NAALADL2: variants seen among roughly 807,000 people sequenced by gnomAD.
NAALADL2 encodes N-acetylated alpha-linked acidic dipeptidase like 2, also known as inactive N-acetylated-alpha-linked acidic dipeptidase-like protein 2.
A neutral mutation model predicts 87.2 loss-of-function variants in NAALADL2; 76 were observed. That is an observed-to-expected ratio of 0.87 (90% CI 0.72 to 1.05). The LOEUF (loss-of-function observed/expected upper bound fraction) is 1.05, where lower values mean the gene tolerates loss of function less well. Ranked by LOEUF, NAALADL2 falls within the 50% of genes least tolerant of loss-of-function variation. The probability of loss-of-function intolerance (pLI) is 0.00; values close to 1 mark genes in which losing one functional copy is unlikely to be tolerated. For synonymous variants in NAALADL2, 354 were observed against 331.0 expected (o/e 1.07, Z -0.75); for missense variants, 1,089 against 945.8 (o/e 1.15, Z -1.99).
intron 3 of NAALADL2, among the ~76,000 whole-genome samples, chr3:174,810,758 T>C (rs986239681): frequency 6.6e-6 from 1 of 152,094 alleles, no homozygotes; most frequent in South Asian, 2.1e-4. Context: ...GAAATTTCTA[T>C]TACTAAAAGG....
chr3:174,879,097 A>T (rs961369489), intron 1 of NAALADL2, among the ~76,000 whole-genome samples: 4 of 152,134 alleles, frequency 2.6e-5, no homozygotes, highest in African/African-American at 9.7e-5. Context: ...TACAAGCTTA[A>T]CTAGCCTTCC....
chr3:174,521,571 C>CAAAAAAAAAAAAA (rs58465181), intron 1 of NAALADL2, among the ~76,000 whole-genome samples: 1 of 56,192 alleles, frequency 1.8e-5, no homozygotes, highest in African/African-American at 7.2e-5. Context: ...GACCCTGTCT[C>CAAAAAAAAAAAAA]AAAAAAAAAA....
intron 2 of NAALADL2, among the ~76,000 whole-genome samples, chr3:174,644,489 G>A (rs2108740279): frequency 6.6e-6 from 1 of 152,130 alleles, no homozygotes; most frequent in African/African-American, 2.4e-5. Context: ...TCTCCAGGGT[G>A]GCAGAGGTGG....
chr3:174,516,680 T>C (rs1719953620), intron 1 of NAALADL2, among the ~76,000 whole-genome samples: 1 of 152,092 alleles, frequency 6.6e-6, no homozygotes, highest in Non-Finnish European at 1.5e-5. Flanking sequence ...TCTTGTCTAA[T>C]ACAAGTTTTT....
At chr3:175,193,538 G>A (rs921940925) in intron 2 of NAALADL2, among the ~76,000 whole-genome samples, 1 of 151,750 alleles carries the variant, frequency 6.6e-6, no homozygotes. Context: ...ATAGAGGTGA[G>A]ATAAGAAATA....
chr3:174,935,022 A>G (rs1737479893), intron 1 of NAALADL2, among the ~76,000 whole-genome samples: 1 of 151,778 alleles, frequency 6.6e-6, no homozygotes, highest in Non-Finnish European at 1.5e-5. Context: ...CTAGCATAAG[A>G]TTAAGGTCTC....
At chr3:174,920,033 C>G (rs1180215348) in intron 1 of NAALADL2, among the ~76,000 whole-genome samples, 1 of 152,154 alleles carries the variant, frequency 6.6e-6, no homozygotes, top group Non-Finnish European at 1.5e-5. Flanking sequence ...GTAGACCATG[C>G]TATAAACATG....
chr3:175,195,945 G>A (rs1249771355), intron 2 of NAALADL2, among the ~76,000 whole-genome samples: 1 of 151,866 alleles, frequency 6.6e-6, no homozygotes, highest in Non-Finnish European at 1.5e-5. Flanking sequence ...CACTGATCTA[G>A]AGACTGAATA....
chr3:175,171,670 A>T (rs2108914451), intron 2 of NAALADL2, among the ~76,000 whole-genome samples: 1 of 152,252 alleles, frequency 6.6e-6, no homozygotes, highest in African/African-American at 2.4e-5. Flanking sequence ...TATATAATCT[A>T]TTATAACAGA....
At chr3:174,573,769 T>C (rs1379802383) in intron 2 of NAALADL2, among the ~76,000 whole-genome samples, 3 of 152,156 alleles carry the variant, frequency 2.0e-5, no homozygotes, top group Non-Finnish European at 2.9e-5. Flanking sequence ...CTCATGAGAA[T>C]GGCATCAATT....
At chr3:175,483,306 C>T (rs1187228616) in intron 9 of NAALADL2, among the ~76,000 whole-genome samples, 3 of 147,830 alleles carry the variant, frequency 2.0e-5, no homozygotes, top group African/African-American at 5.0e-5. Flanking sequence ...GATTTAATTG[C>T]AATTGACTTT....
intron 2 of NAALADL2, among the ~76,000 whole-genome samples, chr3:174,612,454 C>A (rs1720022053): frequency 6.6e-6 from 1 of 151,972 alleles, no homozygotes; most frequent in South Asian, 2.1e-4. Context: ...TTTTCTAGAT[C>A]CTGTATGCAT....
chr3:174,739,142 T>A (rs1218928610), intron 3 of NAALADL2, among the ~76,000 whole-genome samples: 2 of 152,078 alleles, frequency 1.3e-5, no homozygotes, highest in Non-Finnish European at 2.9e-5. Flanking sequence ...ACTCTTGCAC[T>A]TTTATTTTCC....
chr3:175,132,662 A>C (rs1728301444), intron 2 of NAALADL2, among the ~76,000 whole-genome samples: 2 of 102,338 alleles, frequency 2.0e-5, no homozygotes, highest in Admixed American at 9.4e-5. Flanking sequence ...CGGGGGGCTG[A>C]CCCCTCCACC....
chr3:174,895,733 AC>A (rs1304147868), intron 1 of NAALADL2, among the ~76,000 whole-genome samples: 2 of 152,072 alleles, frequency 1.3e-5, no homozygotes, highest in Admixed American at 1.3e-4. Context: ...AAACAAAAAA[AC>A]GAAAGCAAAC....
At chr3:175,537,986 G>A (rs1350985266) in intron 9 of NAALADL2, among the ~76,000 whole-genome samples, 2 of 152,144 alleles carry the variant, frequency 1.3e-5, no homozygotes, top group East Asian at 1.9e-4. Flanking sequence ...AGGATAATGT[G>A]TCTGAAACCT....
At chr3:174,779,148 C>A (rs1715607461) in intron 3 of NAALADL2, among the ~76,000 whole-genome samples, 2 of 152,116 alleles carry the variant, frequency 1.3e-5, no homozygotes, top group Non-Finnish European at 2.9e-5. Context: ...CTGTTGTTTC[C>A]TGACTTTTTA....
intron 10 of NAALADL2, among the ~76,000 whole-genome samples, chr3:175,621,866 G>A (rs1052943368): frequency 6.6e-6 from 1 of 152,028 alleles, no homozygotes; most frequent in Non-Finnish European, 1.5e-5. Flanking sequence ...TATATCAAAG[G>A]ATAACTGTAC....
At chr3:174,548,798 C>T (rs534716264) in intron 1 of NAALADL2, among the ~76,000 whole-genome samples, 4 of 152,226 alleles carry the variant, frequency 2.6e-5, no homozygotes, top group Admixed American at 6.5e-5. Context: ...ACCTTAAACA[C>T]GACTATGAAC....
Sources: gnomAD v4.1 joint callset for allele counts (sites outside exome capture counted in the v4.1 genomes callset) on GRCh38, gnomAD v4.1.1 for gene constraint, MANE v1.5 for transcripts, NCBI Gene and HGNC (gene_info 2026-07-23, HGNC 2026-07-21) for gene names.